Variants in JPH2 observed in about 807,000 individuals in gnomAD.
JPH2 encodes the protein junctophilin 2, also known as junctophilin-2.
A neutral mutation model predicts 55.9 loss-of-function variants in JPH2; 38 were observed. The ratio of observed to expected loss-of-function variants is 0.68; its 90% CI spans 0.52 to 0.89. The LOEUF (loss-of-function observed/expected upper bound fraction) is 0.89. Among genes scored for constraint, JPH2 ranks in the 40% least tolerant of loss-of-function variants. The pLI, the probability that JPH2 is intolerant of heterozygous loss-of-function variation, is 0.00. For missense variants in JPH2, 964 were observed against 1,037.6 expected (o/e 0.93, Z 0.97); for synonymous variants, 480 against 472.4 (o/e 1.02, Z -0.21).
chr20:44,114,732 T>A, intron 5 of JPH2, 50 bp downstream of exon 5: 1 of 1,391,682 alleles, frequency 7.2e-7, no homozygotes, highest in Non-Finnish European at 1.0e-6. Flanking sequence ...TGCTCAAAAC[T>A]CCCCAGGGGC....
rs182673318 is a variant in JPH2, at chr20:44,160,617, C to T, written c.380-210G>A. ...GTGGGTGAGCCAGGAGGAGCTTGCA[C>T]GATGGTAGGAATACGTTGGTGGGAA... is the stretch of plus-strand genomic sequence containing the variant. On this transcript the variant is annotated intron_variant, in intron 1 of 5. Transcript: ENST00000372980. This position sits in a 1 kb window ranked among gnomAD's most constrained non-coding sequence, Gnocchi z 4.9. Among the ~76,000 whole-genome samples the T allele has an allele frequency of 6.2e-4, 95 of 152,248 alleles. 1 individual carries two copies. In the East Asian group the frequency reaches 0.013, roughly 21 times the overall value.
At chr20:44,124,035 T>C in intron 2 of JPH2, among the ~76,000 whole-genome samples, 1 of 152,114 alleles carries the variant, frequency 6.6e-6, no homozygotes, top group South Asian at 2.1e-4. Flanking sequence ...TGACCCTGCT[T>C]GGGGGAAGGG....
In JPH2 at chr20:44,116,210, C is replaced by T. The variant is rs1446439010; in HGVS notation, c.1465G>A (p.Gly489Arg). The change falls in exon 4 of 6, where the codon GGG becomes AGG. Residue 489 changes from glycine (G) to arginine (R), a missense_variant. By Grantham distance (125) the Gly-to-Arg change is moderately radical. Transcript: ENST00000372980. ...GGCCGCTTGGGCTGCGGGGGCGTCC[C>T]GGCCGGTGACGGGGAGCCACCCTCG... ...RPEGGSPSPA[G>R]TPPQPKRPRP... 5.0e-6 allele frequency: 7 copies of T among 1,393,244 alleles called. No individual in the cohort carries two copies. The highest frequency in any genetic ancestry group is 3.7e-5 in the Admixed American group (1 of 27,230). The allele number at this position is 1,393,244 out of a possible 1,614,324, so 86.3% of individuals were successfully genotyped here.
At chr20:44,128,795 T>C (rs2072294999) in intron 2 of JPH2, among the ~76,000 whole-genome samples, 1 of 152,082 alleles carries the variant, frequency 6.6e-6, no homozygotes, top group African/African-American at 2.4e-5. Flanking sequence ...CAAGTTATCC[T>C]CCCACTTCAG....
At chr20:44,128,100 GTTATT>G (rs1455330596) in intron 2 of JPH2, among the ~76,000 whole-genome samples, 1 of 152,082 alleles carries the variant, frequency 6.6e-6, no homozygotes, top group East Asian at 1.9e-4. Context: ...AAGTACAAAA[GTTATT>G]TTATTTTAAT....
Position 44,186,698 on chromosome 20 carries a change from C to T in JPH2, c.8G>A (p.Gly3Glu), listed in dbSNP as rs746138065. The change falls in exon 1 of 6, where the codon GGG (glycine) becomes GAG (glutamate). Residue 3 changes from glycine (G) to glutamate (E), a missense_variant. Transcript: ENST00000372980. The stretch of plus-strand genomic sequence containing the variant: ...TCCATCATCAAAGTCGAAGCGGCCC[C>T]CACTCATCTCATCATAGCCCCTGAC... MSGGRFDFDDGGA... is the reference protein window; with the variant it reads MSEGRFDFDDGGA... The T allele has an allele frequency of 2.8e-5, 45 of 1,599,190 alleles. No individual in the cohort carries two copies. Among genetic ancestry groups the T allele is most frequent in the Non-Finnish European group, 3.6e-5 (43 of 1,179,552 alleles).
Position 44,160,199 on chromosome 20 carries a change from C to T in JPH2, c.588G>A (p.Pro196=), listed in dbSNP as rs1486694884. The T allele has an allele frequency of 5.7e-6, 8 of 1,403,566 alleles. No individual in the cohort carries two copies. The highest frequency in any genetic ancestry group is 1.5e-5 in the African/African-American group (1 of 65,698). 86.9% of individuals were successfully genotyped at this position (1,403,566 alleles called of 1,614,324 possible). The change falls in exon 2 of 6, where the codon CCG becomes CCA. Residue 196 remains proline, a synonymous_variant. Transcript: ENST00000372980. The surrounding 1 kb of genome is among the most constrained non-coding windows in gnomAD (Gnocchi z 4.9). ...DGPALPSPAI[P]RGGFALSLLA... is the part of the protein sequence containing the mutation. ...GGAGGCTGAGCGCGAAGCCGCCACG[C>T]GGGATGGCGGGCGAGGGCAGCGCGG...
chr20:44,172,212 GT>G (rs2072704049), intron 1 of JPH2, among the ~76,000 whole-genome samples: 1 of 152,156 alleles, frequency 6.6e-6, no homozygotes, highest in East Asian at 1.9e-4. Context: ...GGAACTTTCA[GT>G]GCTAATACCG....
chr20:44,165,482 G>A (rs1164085774), intron 1 of JPH2, among the ~76,000 whole-genome samples: 1 of 152,132 alleles, frequency 6.6e-6, no homozygotes, highest in African/African-American at 2.4e-5. Context: ...CTGGTCTCCT[G>A]ATTCCACTCT....
intron 1 of JPH2, among the ~76,000 whole-genome samples, chr20:44,171,858 G>A (rs1036812804): frequency 2.0e-5 from 3 of 152,066 alleles, no homozygotes; most frequent in Admixed American, 6.5e-5. Flanking sequence ...GTTAGATGCC[G>A]GTCTCTGCTG....
chr20:44,146,035 CT>C (rs769018756), intron 2 of JPH2, among the ~76,000 whole-genome samples: 3,382 of 138,708 alleles, frequency 0.024, 108 homozygotes, highest in African/African-American at 0.075. Flanking sequence ...CACCATTGTT[CT>C]TTTTTTTTTT....
Position 44,115,818 on chromosome 20 carries a change from G to C in JPH2, c.1857C>G (p.Pro619=), listed in dbSNP as rs777183126. 1.9e-6 allele frequency: 3 copies of C among 1,603,216 alleles called. No homozygotes were observed. Among genetic ancestry groups the C allele is most frequent in the Non-Finnish European group, 2.5e-6 (3 of 1,178,530 alleles). ...TGATGGGCTTGGGCTCCAGCTTGGC[G>C]GGGGTCTCGCGTGCAGGCTCGGGGC... ...LRGPEPARET[P]AKLEPKPIIP... The change falls in exon 4 of 6, where the codon CCC becomes CCG. Residue 619 remains proline, a synonymous_variant. Coordinates refer to ENST00000372980, the MANE Select transcript of JPH2 (RefSeq NM_020433.5).
intron 1 of JPH2, among the ~76,000 whole-genome samples, chr20:44,166,597 T>G (rs146560906): frequency 2.0e-4 from 30 of 152,122 alleles, no homozygotes; most frequent in African/African-American, 7.0e-4. Flanking sequence ...TCAGGCTATA[T>G]TAGGAAACTT....
intron 2 of JPH2, among the ~76,000 whole-genome samples, chr20:44,119,601 C>T (rs1180305316): frequency 6.6e-6 from 1 of 152,158 alleles, no homozygotes; most frequent in African/African-American, 2.4e-5. Context: ...CAGCCAGGCA[C>T]GGTGGCTCAC....
In JPH2 at chr20:44,159,434, G is replaced by C. The variant is rs547757733; in HGVS notation, c.1169+184C>G. On this transcript the variant is annotated intron_variant, in intron 2 of 5. Coordinates refer to ENST00000372980, the MANE Select transcript of JPH2 (RefSeq NM_020433.5). The surrounding 1 kb of genome is among the most constrained non-coding windows in gnomAD (Gnocchi z 5.7). Reference sequence around the variant, plus strand: ...GTGGAAGGGCTGGGTGTAACTGAGTGATGGATGGATGGGTGAGTGAACAGG... The same window carrying C: ...GTGGAAGGGCTGGGTGTAACTGAGTCATGGATGGATGGGTGAGTGAACAGG... Among the ~76,000 whole-genome samples the C allele has an allele frequency of 6.6e-6, 1 of 152,234 alleles. No individual in the cohort carries two copies. The highest frequency in any genetic ancestry group is 6.5e-5 in the Admixed American group (1 of 15,294).
intron 2 of JPH2, among the ~76,000 whole-genome samples, chr20:44,157,688 T>C (rs2072575383): frequency 6.6e-6 from 1 of 152,158 alleles, no homozygotes; most frequent in South Asian, 2.1e-4. Context: ...AACTAAGAAA[T>C]GGCGGTGCCA....
chr20:44,134,188 ATTT>A (rs2072360439), intron 2 of JPH2, among the ~76,000 whole-genome samples: 1 of 32,050 alleles, frequency 3.1e-5, no homozygotes, highest in South Asian at 1.0e-3. Flanking sequence ...ATATATAAAT[ATTT>A]ATTATAAATA....
chr20:44,143,277 A>C (rs1415910768), intron 2 of JPH2, among the ~76,000 whole-genome samples: 3 of 152,066 alleles, frequency 2.0e-5, no homozygotes, highest in Non-Finnish European at 4.4e-5. Flanking sequence ...TTTCTCCTGA[A>C]AGCAACACCC....
At position 44,134,038 on chromosome 20, in the gene JPH2, T is replaced by TATTATAAA. The variant is rs1474355083; in HGVS notation, c.1170-15416_1170-15415insTTTATAAT. 2.1e-4 allele frequency among the ~76,000 whole-genome samples: 4 copies of TATTATAAA among 18,722 alleles called. 2 individuals carry two copies. Among genetic ancestry groups the TATTATAAA allele is most frequent in the African/African-American group, 1.0e-3 (4 of 3,872 alleles). The allele number at this position is 18,722 out of a possible 152,430, so 12.3% of individuals were successfully genotyped here. On this transcript the variant is annotated intron_variant, in intron 2 of 5. Coordinates refer to ENST00000372980, the MANE Select transcript of JPH2 (RefSeq NM_020433.5). ...ATTATAAATATATATAAATATATAT[T>TATTATAAA]TATATATAAATATATATTTATTATA...
Sources: gnomAD v4.1 joint callset for allele counts (sites outside exome capture counted in the v4.1 genomes callset) on GRCh38, gnomAD v4.1.1 for gene constraint, Gnocchi (gnomAD v3.1) non-coding constraint, MANE v1.5 for transcripts, NCBI Gene and HGNC (gene_info 2026-07-23, HGNC 2026-07-21) for gene names.